Variants in IL1RAPL1 observed in about 807,000 individuals in gnomAD.
IL1RAPL1 encodes the protein interleukin-1 receptor accessory protein-like 1.
A neutral mutation model predicts 48.4 loss-of-function variants in IL1RAPL1; 3 were observed. That is an observed-to-expected ratio of 0.06 (90% CI 0.03 to 0.16). IL1RAPL1 has a LOEUF of 0.16. Among genes scored for constraint, IL1RAPL1 ranks in the 10% least tolerant of loss-of-function variants. The pLI is 1.00. For missense variants in IL1RAPL1, 349 were observed against 530.6 expected (o/e 0.66, Z 3.36); for synonymous variants, 185 against 187.7 (o/e 0.99, Z 0.12).
chrX:29,910,837 T>G (rs1387710972), intron 6 of IL1RAPL1, among the ~76,000 whole-genome samples: 1 of 111,285 alleles, frequency 9.0e-6, no homozygotes, highest in Non-Finnish European at 1.9e-5. Flanking sequence ...TCACTCTCAC[T>G]AGGATGGCTA....
At chrX:29,829,155 T>TACACACACACACACAC (rs57560936) in intron 6 of IL1RAPL1, among the ~76,000 whole-genome samples, 1 of 61,895 alleles carries the variant, frequency 1.6e-5, no homozygotes, top group African/African-American at 5.9e-5. Context: ...GACAAAAACC[T>TACACACACACACACAC]ACACACACAC....
chrX:29,399,615 T>C (rs904473558), intron 5 of IL1RAPL1, among the ~76,000 whole-genome samples: 21 of 110,920 alleles, frequency 1.9e-4, no homozygotes, highest in Non-Finnish European at 4.0e-4. Context: ...GGTCAGGGGT[T>C]CAGGACCAGC....
chrX:29,306,777 C>T (rs1418000311), intron 3 of IL1RAPL1, among the ~76,000 whole-genome samples: 2 of 97,603 alleles, frequency 2.0e-5, no homozygotes, highest in Admixed American at 1.2e-4. Context: ...AGGAGAATGG[C>T]ATGAACCCGG....
In IL1RAPL1 at chrX:29,240,220, A is replaced by AT. The variant is rs1380198794; in HGVS notation, c.83-42717dup. 6.0e-3 allele frequency among the ~76,000 whole-genome samples: 117 copies of AT among 19,557 alleles called. 3 individuals are homozygous for AT. The highest frequency in any genetic ancestry group is 0.022 in the African/African-American group (93 of 4,236). 17.0% of individuals were successfully genotyped at this position (19,557 alleles called of 115,157 possible). On this transcript the variant is annotated intron_variant, in intron 2 of 10. Coordinates refer to ENST00000378993, the MANE Select transcript of IL1RAPL1 (RefSeq NM_014271.4). ...CATATATATATATATATATATATAT[A>AT]TATATTTTTTTTTTTTTTTTTTTTT...
At chrX:29,003,933 G>A (rs1925915991) in intron 2 of IL1RAPL1, among the ~76,000 whole-genome samples, 1 of 112,028 alleles carries the variant, frequency 8.9e-6, no homozygotes, top group Non-Finnish European at 1.9e-5. Context: ...CCTGAAGTCA[G>A]GAGTTTGAGA....
At chrX:29,297,671 C>A (rs1194754159) in intron 3 of IL1RAPL1, among the ~76,000 whole-genome samples, 2 of 112,037 alleles carry the variant, frequency 1.8e-5, no homozygotes, top group Non-Finnish European at 3.8e-5. Context: ...GAAGTATTGG[C>A]TTTCTAGAAA....
intron 2 of IL1RAPL1, among the ~76,000 whole-genome samples, chrX:29,171,661 T>C (rs759368289): frequency 1.2e-4 from 14 of 112,166 alleles, no homozygotes; most frequent in Non-Finnish European, 2.4e-4. Flanking sequence ...AATATATAAA[T>C]AGAAGTAAAG....
chrX:28,962,126 T>C (rs1169714436), intron 2 of IL1RAPL1, among the ~76,000 whole-genome samples: 1 of 111,803 alleles, frequency 8.9e-6, no homozygotes, highest in Non-Finnish European at 1.9e-5. Flanking sequence ...TTCTGAAATT[T>C]AGGAACATCA....
At chrX:29,720,498 C>G (rs1234914155) in intron 6 of IL1RAPL1, among the ~76,000 whole-genome samples, 1 of 111,331 alleles carries the variant, frequency 9.0e-6, no homozygotes, top group Non-Finnish European at 1.9e-5. Context: ...CAAACTAACA[C>G]AGGAACAGAA....
At chrX:28,588,316 T>C (rs918015613) in intron 1 of IL1RAPL1, among the ~76,000 whole-genome samples, 2 of 109,702 alleles carry the variant, frequency 1.8e-5, no homozygotes, top group African/African-American at 6.6e-5. Context: ...AATCAAAGTA[T>C]CACTCTCTCC....
chrX:29,161,582 T>G (rs1330600056), intron 2 of IL1RAPL1, among the ~76,000 whole-genome samples: 1 of 112,484 alleles, frequency 8.9e-6, no homozygotes, highest in African/African-American at 3.2e-5. Context: ...TGCATCAGCT[T>G]TCCCTTAATC....
At chrX:29,539,083 C>G (rs1474412568) in intron 5 of IL1RAPL1, among the ~76,000 whole-genome samples, 2 of 111,450 alleles carry the variant, frequency 1.8e-5, no homozygotes, top group South Asian at 3.8e-4. Flanking sequence ...ATACCAAAAC[C>G]TGGCAAGGAC....
chrX:29,458,584 G>A (rs1278875369), intron 5 of IL1RAPL1, among the ~76,000 whole-genome samples: 1 of 111,750 alleles, frequency 8.9e-6, no homozygotes, highest in African/African-American at 3.3e-5. Context: ...AAAAGTAATC[G>A]CATAAAACTT....
intron 2 of IL1RAPL1, among the ~76,000 whole-genome samples, chrX:28,916,093 A>G (rs191591605): frequency 1.8e-4 from 20 of 110,924 alleles, no homozygotes; most frequent in Non-Finnish European, 3.2e-4. Flanking sequence ...TTAGTGTGGA[A>G]GAGACTTTAT....
intron 2 of IL1RAPL1, among the ~76,000 whole-genome samples, chrX:29,084,397 G>C (rs1927908148): frequency 9.0e-6 from 1 of 111,559 alleles, no homozygotes; most frequent in East Asian, 2.8e-4. Flanking sequence ...AATATGACCA[G>C]TTACATTATA....
intron 2 of IL1RAPL1, among the ~76,000 whole-genome samples, chrX:29,141,210 TTATATA>T (rs755523966): frequency 9.3e-6 from 1 of 107,111 alleles, no homozygotes; most frequent in African/African-American, 3.4e-5. Context: ...TATTATGAGA[TTATATA>T]TATATATATA....
chrX:29,935,206 G>A (rs1426131440), intron 8 of IL1RAPL1, among the ~76,000 whole-genome samples: 1 of 110,390 alleles, frequency 9.1e-6, no homozygotes, highest in African/African-American at 3.3e-5. Flanking sequence ...TCCCGTTATT[G>A]GTGATGTTAA....
intron 6 of IL1RAPL1, among the ~76,000 whole-genome samples, chrX:29,856,917 T>TA (rs756563217): frequency 2.7e-5 from 3 of 111,688 alleles, no homozygotes; most frequent in East Asian, 5.6e-4. Flanking sequence ...TAGCTCTACT[T>TA]AAACTAGTAT....
intron 2 of IL1RAPL1, among the ~76,000 whole-genome samples, chrX:28,932,976 C>G (rs1923925543): frequency 9.0e-6 from 1 of 111,305 alleles, no homozygotes; most frequent in South Asian, 3.7e-4. Context: ...ATGCTTGATC[C>G]AAGTACCTCC....
Sources: gnomAD v4.1 joint callset for allele counts (sites outside exome capture counted in the v4.1 genomes callset) on GRCh38, gnomAD v4.1.1 for gene constraint, MANE v1.5 for transcripts, NCBI Gene and HGNC (gene_info 2026-07-23, HGNC 2026-07-21) for gene names.